PCM1: variants seen among roughly 807,000 people sequenced by gnomAD.
The protein encoded by PCM1 is pericentriolar material 1.
PCM1 carries 157 observed loss-of-function variants against 241.9 expected under a neutral mutation model. That is an observed-to-expected ratio of 0.65 (90% CI 0.57 to 0.74). The LOEUF is 0.74. PCM1 is among the 30% of genes least tolerant of loss of function. The pLI, the probability that PCM1 is intolerant of heterozygous loss-of-function variation, is 0.00. For missense variants in PCM1, 3,478 were observed against 2,360.1 expected (o/e 1.47, Z -9.81); for synonymous variants, 1,085 against 784.9 (o/e 1.38, Z -6.39).
chr8:17,925,508 A>G (rs1213755252), intron 2 of PCM1: 1 of 152,222 alleles, frequency 6.6e-6, no homozygotes, highest in Non-Finnish European at 1.5e-5. Flanking sequence ...ATTTAATTCT[A>G]CTCTTAAAAT....
intron 2 of PCM1, among the ~76,000 whole-genome samples, chr8:17,933,957 T>C (rs914562527): frequency 6.6e-6 from 1 of 152,158 alleles, no homozygotes; most frequent in Non-Finnish European, 1.5e-5. Flanking sequence ...TAATATATGC[T>C]CATTAAAAAA....
Position 17,955,514 on chromosome 8 carries a change from T to G in PCM1, c.1333T>G (p.Ser445Ala), listed in dbSNP as rs752280456. 6.2e-7 allele frequency: 1 copy of G among 1,613,710 alleles called. No homozygotes were observed. The highest frequency in any genetic ancestry group is 2.2e-5 in the East Asian group (1 of 44,876). ...SVDQRSTSAP[S>A]ASVGLAPVVN... ...CGATCAGAGAAGTACTTCAGCTCCC[T>G]CTGCTTCTGTAGGCTTGGCACCGGT... The change falls in exon 10 of 39, where the codon TCT becomes GCT. Residue 445 changes from serine (S) to alanine (A), a missense_variant. Ser to Ala is a moderately conservative substitution (Grantham distance 99, BLOSUM62 1). Transcript: ENST00000325083.
chr8:17,947,303 G>T lies in PCM1; in HGVS notation c.901G>T (p.Ala301Ser). ...ACTAAGAGCTCTACAGGGACGGCAG[G>T]CTGCACTTCTAGCTCTGCAACATAA... ...EQLRALQGRQ[A>S]ALLALQHKAE... Residue 301 changes from alanine (A) to serine (S), a missense_variant, in exon 7 of 39, where the codon GCT becomes TCT. Physicochemically the swap from Ala to Ser is moderately conservative, Grantham distance 99. Transcript: ENST00000325083. 6.2e-7 allele frequency: 1 copy of T among 1,612,648 alleles called. No individual in the cohort carries two copies. Among genetic ancestry groups the T allele is most frequent in the Non-Finnish European group, 8.5e-7 (1 of 1,179,016 alleles).
chr8:17,989,836 T>G, intron 26 of PCM1, 23 bp from the exon 27 acceptor site: 2 of 1,467,806 alleles, frequency 1.4e-6, no homozygotes, highest in South Asian at 1.3e-5. Flanking sequence ...TTAGTGATTT[T>G]TGTTTGTTTT....
rs769226805 is a variant in PCM1 at position 17,956,727 on chromosome 8, G to T, written c.1596G>T (p.Glu532Asp). 1 of 1,607,554 alleles carries T rather than the reference G, an allele frequency of 6.2e-7. No individual in the cohort carries two copies. The highest frequency in any genetic ancestry group is 1.1e-5 in the South Asian group (1 of 90,112). Reference protein sequence around the residue: ...NENRKDEETEESEYDSEHENS... With the variant: ...NENRKDEETEDSEYDSEHENS... ...ACAGGAAAGATGAAGAAACTGAAGA[G>T]TCAGAATATGATTCTGAGCATGAAA... The change falls in exon 11 of 39, where the codon GAG (glutamate) becomes GAT (aspartate). Residue 532 changes from glutamate to aspartate, a missense_variant. Physicochemically the swap from Glu to Asp is conservative, Grantham distance 45. Coordinates refer to ENST00000325083, the MANE Select transcript of PCM1 (RefSeq NM_006197.4).
Position 17,986,047 on chromosome 8 carries a change from C to G in PCM1, c.4370C>G (p.Ser1457Ter), listed in dbSNP as rs1451189185. ...TCTGGTACTTGGATAGCATCAAACTCAGAACTTACTCCTAGTGAGAGCCTT... is the reference window on the plus strand; with the variant it reads ...TCTGGTACTTGGATAGCATCAAACTGAGAACTTACTCCTAGTGAGAGCCTT... ...VNSGTWIASN[S>*]ELTPSESLAT... Residue 1457 changes from serine to a stop codon, truncating the protein, a stop_gained, in exon 26 of 39, where the codon TCA becomes TGA. Transcript: ENST00000325083. LOFTEE classifies it high-confidence loss of function. 3 of 1,601,920 alleles carry G rather than the reference C, an allele frequency of 1.9e-6. No individual in the cohort carries two copies. The highest frequency in any genetic ancestry group is 1.7e-5 in the Admixed American group (1 of 58,884).
At chr8:17,949,374 G>A (rs2065124579) in intron 7 of PCM1, among the ~76,000 whole-genome samples, 1 of 151,886 alleles carries the variant, frequency 6.6e-6, no homozygotes, top group Non-Finnish European at 1.5e-5. Context: ...TTTCTTCTCA[G>A]CATAGAGTTT....
chr8:17,928,968 T>G (rs2058089587), intron 2 of PCM1, among the ~76,000 whole-genome samples: 1 of 152,162 alleles, frequency 6.6e-6, no homozygotes, highest in Non-Finnish European at 1.5e-5. Flanking sequence ...GTAAACGTAC[T>G]CAAGATACTT....
At chr8:18,021,636 G>A (rs933628799) in intron 36 of PCM1, among the ~76,000 whole-genome samples, 3 of 152,104 alleles carry the variant, frequency 2.0e-5, no homozygotes, top group African/African-American at 4.8e-5. Flanking sequence ...TTTCAAACTC[G>A]GTGGCACTAC....
At position 18,018,624 on chromosome 8, in the gene PCM1, A is replaced by G. The variant is rs549796925; in HGVS notation, c.5841+3784A>G. ...TCAAGAGATTGAGACCATCCTGGCCAATATGGTGAAACCCCATCTCTACTG... is the reference window on the plus strand; with the variant it reads ...TCAAGAGATTGAGACCATCCTGGCCGATATGGTGAAACCCCATCTCTACTG... On this transcript the variant is annotated intron_variant, in intron 36 of 38. Coordinates refer to ENST00000325083, the MANE Select transcript of PCM1 (RefSeq NM_006197.4). Among the ~76,000 whole-genome samples, 5 of 152,020 alleles carry G rather than the reference A, an allele frequency of 3.3e-5. No individual in the cohort carries two copies. The East Asian group carries it at 9.7e-4, about 29-fold the overall frequency.
Position 18,014,179 on chromosome 8 carries a change from C to CCTATAAATCCTTTGTA in PCM1, c.5584+144_5584+159dup, listed in dbSNP as rs2092880049. 5.1e-6 allele frequency: 3 copies of CCTATAAATCCTTTGTA among 583,672 alleles called. No homozygotes were observed. In the Admixed American group the frequency reaches 1.1e-4, roughly 21 times the overall value. The allele number at this position is 583,672 out of a possible 1,614,324, so 36.2% of individuals were successfully genotyped here. On this transcript the variant is annotated intron_variant, in intron 35 of 38. Transcript: ENST00000325083. ...GGACCTGATGTATGTTTTTCTTCTCCCTATAAATCCTTTGTAGAAAACATA... is the reference window on the plus strand; with the variant it reads ...GGACCTGATGTATGTTTTTCTTCTCCCTATAAATCCTTTGTACTATAAATCCTTTGTAGAAAACATA...
chr8:17,984,512 A>G (rs1564164084), intron 24 of PCM1, among the ~76,000 whole-genome samples: 1 of 151,832 alleles, frequency 6.6e-6, no homozygotes. Context: ...TTTTCTATTG[A>G]TATCTTATAT....
intron 30 of PCM1, among the ~76,000 whole-genome samples, chr8:18,008,412 T>G (rs2091898138): frequency 6.6e-6 from 1 of 151,802 alleles, no homozygotes; most frequent in African/African-American, 2.4e-5. Context: ...TACATTATGG[T>G]GAGTTGTATA....
chr8:17,963,381 A>G (rs2073420180), intron 17 of PCM1, 90 bp downstream of exon 17: 1 of 877,172 alleles, frequency 1.1e-6, no homozygotes, highest in Non-Finnish European at 1.7e-6. Context: ...CCTCTACATC[A>G]CAGCACAAAT....
intron 29 of PCM1, among the ~76,000 whole-genome samples, chr8:17,994,391 T>C (rs145059863): frequency 1.7e-3 from 253 of 152,308 alleles, no homozygotes; most frequent in African/African-American, 5.7e-3. Context: ...TGAATAGTAC[T>C]CCATTGTGTG....
At chr8:17,962,602 A>C (rs762942962) in intron 16 of PCM1, among the ~76,000 whole-genome samples, 1 of 151,920 alleles carries the variant, frequency 6.6e-6, no homozygotes, top group East Asian at 1.9e-4. Flanking sequence ...TTTGAGTTCT[A>C]CTTGTTTCTA....
Position 17,989,875 on chromosome 8 carries a change from A to G in PCM1, c.4427A>G (p.Asn1476Ser), listed in dbSNP as rs1428395912. 2 of 1,541,740 alleles carry G rather than the reference A, an allele frequency of 1.3e-6. No individual in the cohort carries two copies. The highest frequency in any genetic ancestry group is 2.5e-5 in the East Asian group (1 of 40,764). ...GTAACTTAGGAAACTTTTGAGAAGA[A>G]CTTTGAAAGAGAAACCCATAAAATA... is the stretch of plus-strand genomic sequence containing the variant. ...ATTDDETFEK[N>S]FERETHKISE... Residue 1476 changes from asparagine to serine, a missense_variant, in exon 27 of 39, where the codon AAC becomes AGC. Transcript: ENST00000325083.
At chr8:18,009,073 A>C (rs538816669) in intron 30 of PCM1, among the ~76,000 whole-genome samples, 1 of 151,380 alleles carries the variant, frequency 6.6e-6, no homozygotes, top group African/African-American at 2.5e-5. Flanking sequence ...CTATATATCA[A>C]CTTGAATAGA....
At chr8:17,956,860 T>C in intron 11 of PCM1, 83 bp downstream of exon 11, 1 of 1,050,108 alleles carries the variant, frequency 9.5e-7, no homozygotes, top group Non-Finnish European at 1.4e-6. Flanking sequence ...TACTTCGTTG[T>C]AGTATTTACT....
Sources: gnomAD v4.1 joint callset for allele counts (sites outside exome capture counted in the v4.1 genomes callset) on GRCh38, gnomAD v4.1.1 for gene constraint, MANE v1.5 for transcripts, NCBI Gene and HGNC (gene_info 2026-07-23, HGNC 2026-07-21) for gene names.